Variants in USP7 observed in about 807,000 individuals in gnomAD.
USP7 encodes the protein ubiquitin specific peptidase 7.
Under a neutral mutation model 162.9 loss-of-function variants are expected in USP7, and 9 were observed. The ratio of observed to expected loss-of-function variants is 0.06; its 90% CI spans 0.03 to 0.10. USP7 has a LOEUF of 0.10. USP7 is among the 10% of genes least tolerant of loss of function. The pLI is 1.00. For missense variants in USP7, 715 were observed against 1,373.7 expected (o/e 0.52, Z 7.58); for synonymous variants, 562 against 475.9 (o/e 1.18, Z -2.35).
Position 8,895,835 on chromosome 16 carries a change from A to G in USP7, c.2820-94T>C, listed in dbSNP as rs541845971. On this transcript the variant is annotated intron_variant, in intron 26 of 30. Coordinates refer to ENST00000344836, the MANE Select transcript of USP7 (RefSeq NM_003470.3). ...TCTAGAAAGAAATAAAGTTACCACG[A>G]TATGTTTTTTTTTTTTTTTTTGAGA... The G allele has an allele frequency of 6.4e-4, 491 of 770,672 alleles. 1 individual carries two copies. The highest frequency in any genetic ancestry group is 1.4e-3 in the Admixed American group (36 of 26,122). 47.7% of individuals were successfully genotyped at this position (770,672 alleles called of 1,614,324 possible).
chr16:8,895,859 G>A, intron 26 of USP7, 118 bp from the exon 27 acceptor site: 1 of 614,472 alleles, frequency 1.6e-6, no homozygotes, highest in Admixed American at 3.5e-5. Context: ...TTTTTTTTGA[G>A]ACAGTCTCAA....
chr16:8,942,692 C>G (rs1345730688), intron 1 of USP7, among the ~76,000 whole-genome samples: 1 of 152,110 alleles, frequency 6.6e-6, no homozygotes, highest in Non-Finnish European at 1.5e-5. Flanking sequence ...GGACTACAGG[C>G]GCACACCACC....
intron 29 of USP7, 72 bp from the exon 30 acceptor site, chr16:8,894,712 G>C: frequency 6.2e-7 from 1 of 1,612,860 alleles, no homozygotes; most frequent in South Asian, 1.1e-5. Flanking sequence ...TGGCAAAAAA[G>C]CCTAGGCCGC....
chr16:8,923,756 C>G (rs113025474), intron 2 of USP7, among the ~76,000 whole-genome samples: 1 of 152,144 alleles, frequency 6.6e-6, no homozygotes, highest in African/African-American at 2.4e-5. Flanking sequence ...AGAGAAGGAA[C>G]GACATGGCTC....
At chr16:8,898,754 C>T in intron 23 of USP7, 115 bp from the exon 24 acceptor site, 1 of 824,546 alleles carries the variant, frequency 1.2e-6, no homozygotes. Context: ...GAAATTTGGA[C>T]CTAGCATGGG....
chr16:8,913,463 A>G lies in USP7; in HGVS notation c.1078+1791T>C, dbSNP rs144927305. ...AAACAGATGAACAGAAAGAGTAAGG[A>G]CACTACAGCCCACTTCTCAGAAATG... On this transcript the variant is annotated intron_variant, in intron 10 of 30. Transcript: ENST00000344836. Among the ~76,000 whole-genome samples, 7 of 152,148 alleles carry G rather than the reference A, an allele frequency of 4.6e-5. 1 individual carries two copies. Among genetic ancestry groups the G allele is most frequent in the Middle Eastern group, 3.4e-3 (1 of 294 alleles).
At chr16:8,952,855 C>T (rs556274007) in intron 1 of USP7, among the ~76,000 whole-genome samples, 61 of 150,788 alleles carry the variant, frequency 4.0e-4, no homozygotes, top group Non-Finnish European at 7.2e-4. Context: ...TTTTTTAAGA[C>T]GGAGTCTCAT....
chr16:8,895,776 A>T (rs2061671575), intron 26 of USP7, 35 bp from the exon 27 acceptor site: 2 of 1,362,192 alleles, frequency 1.5e-6, no homozygotes, highest in South Asian at 2.5e-5. Context: ...GGGCAAAATG[A>T]AGTATATATA....
chr16:8,941,130 CCCCATG>C (rs765745616), intron 1 of USP7, among the ~76,000 whole-genome samples: 7 of 151,686 alleles, frequency 4.6e-5, no homozygotes, highest in Admixed American at 2.0e-4. Flanking sequence ...GGGGCCCATG[CCCCATG>C]CCCATGAGGA....
chr16:8,936,804 G>C, intron 1 of USP7: 1 of 1,225,658 alleles, frequency 8.2e-7, no homozygotes, highest in South Asian at 2.2e-5. Flanking sequence ...GGCAGTCCAG[G>C]AACAGAAGAG....
chr16:8,902,192 T>G lies in USP7; in HGVS notation c.1942-5A>C. ...ATTATCACTGAGCTCAATCATCTAT[T>G]TCCAAAAGAGACGCTGATTTTAGAA... On this transcript the variant is annotated splice_polypyrimidine_tract_variant and splice_region_variant and intron_variant, in intron 17 of 30. Transcript: ENST00000344836. The G allele has an allele frequency of 1.9e-6, 3 of 1,613,722 alleles. No homozygotes were observed. The highest frequency in any genetic ancestry group is 2.5e-6 in the Non-Finnish European group (3 of 1,179,830).
chr16:8,959,812 C>G (rs1460742427), intron 1 of USP7, among the ~76,000 whole-genome samples: 1 of 152,062 alleles, frequency 6.6e-6, no homozygotes, highest in East Asian at 1.9e-4. Context: ...AACCCACCAC[C>G]ACCCCCGTAA....
intron 10 of USP7, among the ~76,000 whole-genome samples, chr16:8,914,934 A>G (rs975861771): frequency 6.6e-6 from 1 of 152,314 alleles, no homozygotes; most frequent in Non-Finnish European, 1.5e-5. Context: ...GAAATAAACA[A>G]ACAAATACAT....
intron 1 of USP7, among the ~76,000 whole-genome samples, chr16:8,932,158 A>G (rs967969500): frequency 6.6e-6 from 1 of 152,226 alleles, no homozygotes; most frequent in African/African-American, 2.4e-5. Context: ...CCACCCAAGC[A>G]TCTCAAAACA....
chr16:8,942,424 C>G (rs2447931), intron 1 of USP7, among the ~76,000 whole-genome samples: 109,526 of 152,162 alleles, frequency 0.72, 41,382 homozygotes, highest in East Asian at 0.95. Flanking sequence ...TGTTCTGCAG[C>G]ACTGTGAGGG....
intron 4 of USP7, among the ~76,000 whole-genome samples, 153 bp from the exon 5 acceptor site, chr16:8,920,600 A>AT (rs1897632827): frequency 6.6e-6 from 1 of 152,102 alleles, no homozygotes; most frequent in South Asian, 2.1e-4. Context: ...GACTGTTTCA[A>AT]TTTTCTTTTA....
At chr16:8,920,000 C>T (rs932557125) in intron 5 of USP7, among the ~76,000 whole-genome samples, 5 of 152,188 alleles carry the variant, frequency 3.3e-5, no homozygotes, top group African/African-American at 1.2e-4. Flanking sequence ...TCCTCACACT[C>T]GGAGAGGACT....
chr16:8,911,572 G>C (rs1567218094), intron 10 of USP7, among the ~76,000 whole-genome samples: 1 of 152,232 alleles, frequency 6.6e-6, no homozygotes, highest in Non-Finnish European at 1.5e-5. Flanking sequence ...ATGCGGTACA[G>C]GACAGGGATC....
chr16:8,911,483 G>A (rs1303930417), intron 10 of USP7, among the ~76,000 whole-genome samples: 1 of 152,202 alleles, frequency 6.6e-6, no homozygotes, highest in East Asian at 1.9e-4. Context: ...AGAGTGTATG[G>A]AGAGCTCGTC....
Sources: gnomAD v4.1 joint callset for allele counts (sites outside exome capture counted in the v4.1 genomes callset) on GRCh38, gnomAD v4.1.1 for gene constraint, MANE v1.5 for transcripts, NCBI Gene and HGNC (gene_info 2026-07-23, HGNC 2026-07-21) for gene names.